Variants in GALNT17 observed in about 807,000 individuals in gnomAD.
GALNT17 encodes polypeptide N-acetylgalactosaminyltransferase 17, also known as UDP-GalNAc:polypeptide N-acetylgalactosaminyltransferase-like 3.
GALNT17 carries 29 observed loss-of-function variants against 63.7 expected under a neutral mutation model. The ratio of observed to expected loss-of-function variants is 0.46; its 90% CI spans 0.34 to 0.62. The LOEUF is 0.62. GALNT17 is among the 20% of genes least tolerant of loss of function. The probability of loss-of-function intolerance (pLI) is 0.01; values close to 1 mark genes in which losing one functional copy is unlikely to be tolerated. For missense variants in GALNT17, 603 were observed against 799.6 expected, an observed-to-expected ratio of 0.75 and a Z score of 2.97; for synonymous variants, 305 against 318.3, an observed-to-expected ratio of 0.96 and a Z score of 0.45.
intron 3 of GALNT17, among the ~76,000 whole-genome samples, chr7:71,412,860 T>A (rs1793455161): frequency 6.6e-6 from 1 of 152,024 alleles, no homozygotes; most frequent in African/African-American, 2.4e-5. Context: ...AGGGCCAACA[T>A]AGCAAAATTC....
intron 6 of GALNT17, among the ~76,000 whole-genome samples, chr7:71,603,226 C>T (rs1789993271): frequency 6.6e-6 from 1 of 151,878 alleles, no homozygotes; most frequent in South Asian, 2.1e-4. Flanking sequence ...ATGTTAAGTG[C>T]ATACACTGGA....
At chr7:71,697,061 C>T (rs140746748) in intron 9 of GALNT17, among the ~76,000 whole-genome samples, 51 of 152,098 alleles carry the variant, frequency 3.4e-4, no homozygotes, top group African/African-American at 1.2e-3. Context: ...GCAGGCTGGA[C>T]GGTCAGCTGT....
At chr7:71,393,526 C>A (rs1015938824) in intron 3 of GALNT17, among the ~76,000 whole-genome samples, 3 of 151,980 alleles carry the variant, frequency 2.0e-5, no homozygotes, top group African/African-American at 7.3e-5. Flanking sequence ...CTTTTTCCCC[C>A]GAAGTGTAAA....
intron 8 of GALNT17, among the ~76,000 whole-genome samples, chr7:71,673,435 C>T (rs182617773): frequency 1.3e-5 from 2 of 152,130 alleles, no homozygotes; most frequent in African/African-American, 2.4e-5. Flanking sequence ...AAACTGAAAT[C>T]GCTGCTATTT....
chr7:71,620,231 G>A (rs1016117831), intron 6 of GALNT17, among the ~76,000 whole-genome samples: 2 of 152,188 alleles, frequency 1.3e-5, no homozygotes, highest in Non-Finnish European at 2.9e-5. Flanking sequence ...GTTCATGAGG[G>A]ATATAGGTTT....
chr7:71,374,747 T>A lies in GALNT17; in HGVS notation c.423-13488T>A, dbSNP rs147312390. Among the ~76,000 whole-genome samples the A allele has an allele frequency of 5.5e-3, 829 of 151,644 alleles. 5 individuals are homozygous for A. Among genetic ancestry groups the A allele is most frequent in the Non-Finnish European group, 8.4e-3 (573 of 67,924 alleles). On this transcript the variant is annotated intron_variant, in intron 2 of 10. Coordinates refer to ENST00000333538, the MANE Select transcript of GALNT17 (RefSeq NM_022479.3). ...GGAAGGCATTTTAGATGGACTGAGA[T>A]AAGACCAGGTTAGGACTAAGCTGGA...
chr7:71,321,161 C>T (rs1194990222), intron 1 of GALNT17, among the ~76,000 whole-genome samples: 1 of 152,112 alleles, frequency 6.6e-6, no homozygotes, highest in East Asian at 1.9e-4. Flanking sequence ...AGGGAGAGTG[C>T]TTATTCAATT....
intron 6 of GALNT17, among the ~76,000 whole-genome samples, chr7:71,615,498 A>G (rs1340059755): frequency 8.9e-6 from 1 of 112,894 alleles, no homozygotes; most frequent in Non-Finnish European, 1.7e-5. Context: ...TTTTTTTGAG[A>G]CAGAGTCTTA....
At chr7:71,359,416 A>T (rs1792355674) in intron 2 of GALNT17, among the ~76,000 whole-genome samples, 1 of 152,052 alleles carries the variant, frequency 6.6e-6, no homozygotes, top group Non-Finnish European at 1.5e-5. Context: ...CTCTCCTGAG[A>T]ACTCACAGAG....
intron 1 of GALNT17, among the ~76,000 whole-genome samples, chr7:71,266,606 G>A (rs1790496689): frequency 6.6e-6 from 1 of 152,168 alleles, no homozygotes; most frequent in African/African-American, 2.4e-5. Flanking sequence ...TATAGGTATA[G>A]AGATTGGACT....
At chr7:71,591,438 T>C (rs1429757163) in intron 6 of GALNT17, among the ~76,000 whole-genome samples, 1 of 152,110 alleles carries the variant, frequency 6.6e-6, no homozygotes, top group East Asian at 1.9e-4. Context: ...ATCCAGCAGT[T>C]GGGTAGATGT....
chr7:71,704,658 C>T (rs1429742207), intron 9 of GALNT17, among the ~76,000 whole-genome samples: 3 of 152,088 alleles, frequency 2.0e-5, no homozygotes, highest in Non-Finnish European at 4.4e-5. Context: ...TATAGTGTGG[C>T]ACAAAGATAG....
At chr7:71,570,332 G>A (rs1294892574) in intron 5 of GALNT17, among the ~76,000 whole-genome samples, 1 of 152,164 alleles carries the variant, frequency 6.6e-6, no homozygotes, top group African/African-American at 2.4e-5. Context: ...TAGGCACTAG[G>A]ATGTGTTTCC....
rs940424752 is a variant in GALNT17, at chr7:71,652,216, T to C, written c.1081-13195T>C. Among the ~76,000 whole-genome samples the C allele has an allele frequency of 3.9e-5, 6 of 151,984 alleles. No individual in the cohort carries two copies. The East Asian group carries it at 5.8e-4, about 15-fold the overall frequency. ...TCCTCTTGCCAGTCAATGACTTGCA[T>C]TGACTGGCAAGAGGATCCACGTATT... is the stretch of plus-strand genomic sequence containing the variant. On this transcript the variant is annotated intron_variant, in intron 6 of 10. Transcript: ENST00000333538.
chr7:71,411,300 T>G (rs991795930), intron 3 of GALNT17, among the ~76,000 whole-genome samples: 2 of 152,030 alleles, frequency 1.3e-5, no homozygotes, highest in African/African-American at 4.8e-5. Context: ...TTTGTATTTT[T>G]AGTAGAGATA....
At chr7:71,451,359 G>T (rs530099155) in intron 5 of GALNT17, among the ~76,000 whole-genome samples, 1 of 152,172 alleles carries the variant, frequency 6.6e-6, no homozygotes, top group African/African-American at 2.4e-5. Flanking sequence ...CTACTCTGTC[G>T]CAGAAAGTTT....
intron 5 of GALNT17, among the ~76,000 whole-genome samples, chr7:71,548,117 C>T (rs1190126100): frequency 1.3e-5 from 2 of 151,642 alleles, no homozygotes; most frequent in African/African-American, 2.4e-5. Flanking sequence ...TGGCGTGCAC[C>T]TGTAATCCCA....
chr7:71,251,661 C>G (rs914264627), intron 1 of GALNT17, among the ~76,000 whole-genome samples: 2 of 152,184 alleles, frequency 1.3e-5, no homozygotes, highest in African/African-American at 4.8e-5. Context: ...ATCCTCTCTT[C>G]CCGGAGTGCT....
At chr7:71,325,502 T>G (rs1791689965) in intron 1 of GALNT17, among the ~76,000 whole-genome samples, 1 of 152,200 alleles carries the variant, frequency 6.6e-6, no homozygotes, top group Non-Finnish European at 1.5e-5. Flanking sequence ...CTCCATCGTG[T>G]GTACCATCTC....
Sources: allele counts gnomAD v4.1 joint callset (sites outside exome capture counted in the v4.1 genomes callset), GRCh38; gene constraint gnomAD v4.1.1; transcripts MANE v1.5; gene names NCBI Gene and HGNC (gene_info 2026-07-23, HGNC 2026-07-21).